The following TSPOAP1 variants were observed in gnomAD, a reference collection of about 807,000 sequenced individuals.
TSPOAP1 encodes TSPO associated protein 1.
Under a neutral mutation model 197.0 loss-of-function variants are expected in TSPOAP1, and 87 were observed. The observed-to-expected ratio is 0.44, with a 90% CI of 0.37 to 0.53. TSPOAP1 has a LOEUF of 0.53. TSPOAP1 is among the 20% of genes least tolerant of loss of function. The probability of loss-of-function intolerance (pLI) is 0.00; values close to 1 mark genes in which losing one functional copy is unlikely to be tolerated. For synonymous variants in TSPOAP1, 913 were observed against 998.9 expected (o/e 0.91, Z 1.62); for missense variants, 2,174 against 2,411.3 (o/e 0.90, Z 2.06).
intron 4 of TSPOAP1, 102 bp downstream of exon 4, chr17:58,325,432 C>T (rs1292379096): frequency 6.8e-7 from 1 of 1,468,216 alleles, no homozygotes; most frequent in African/African-American, 1.4e-5. Context: ...CCTCCACCCT[C>T]CCTTTCATTT....
Position 58,304,217 on chromosome 17 carries a change from G to A in TSPOAP1, c.*32+121C>T, listed in dbSNP as rs929874492. On this transcript the variant is annotated intron_variant, in intron 31 of 31. Coordinates refer to ENST00000343736, the MANE Select transcript of TSPOAP1 (RefSeq NM_004758.4). The surrounding 1 kb of genome is among the most constrained non-coding windows in gnomAD (Gnocchi z 4.2). Reference sequence around the variant, plus strand: ...TCTGGCTCATGGCAAGCTCTCCTTCGCCATTCCCTGGACTACAGTGGGAAA... The same window carrying A: ...TCTGGCTCATGGCAAGCTCTCCTTCACCATTCCCTGGACTACAGTGGGAAA... 1.4e-5 allele frequency: 11 copies of A among 794,218 alleles called. No individual in the cohort carries two copies. Among genetic ancestry groups the A allele is most frequent in the African/African-American group, 1.4e-4 (8 of 58,260 alleles). 49.2% of individuals were successfully genotyped at this position (794,218 alleles called of 1,614,324 possible).
chr17:58,302,960 G>C (rs1194686581), intron 31 of TSPOAP1: 1 of 152,446 alleles, frequency 6.6e-6, no homozygotes, highest in Non-Finnish European at 1.5e-5. Flanking sequence ...TCAGGGTGTG[G>C]AGCCAGTACC....
chr17:58,311,736 G>T lies in TSPOAP1; in HGVS notation c.2930-14C>A. ...CATCAGGTGGGCCTGGGGGCAGGGG[G>T]GCACAAGACCCAGTGATGCAGGACG... On this transcript the variant is annotated splice_polypyrimidine_tract_variant and intron_variant, in intron 17 of 31. Transcript: ENST00000343736. 6.5e-7 allele frequency: 1 copy of T among 1,548,680 alleles called. No individual in the cohort carries two copies. Among genetic ancestry groups the T allele is most frequent in the Non-Finnish European group, 8.7e-7 (1 of 1,145,200 alleles).
At position 58,322,812 on chromosome 17, in the gene TSPOAP1, G is replaced by A. The variant is rs201796644; in HGVS notation, c.1195-36C>T. 1.1e-5 allele frequency: 18 copies of A among 1,611,034 alleles called. No individual in the cohort carries two copies. The Middle Eastern group carries it at 5.0e-4, about 45-fold the overall frequency. Reference sequence around the variant, plus strand: ...GGCAGTGACAGGGAGTTGGGTGGGTGAGCCTTGACCCACCAGCACCCTCAC... The same window carrying A: ...GGCAGTGACAGGGAGTTGGGTGGGTAAGCCTTGACCCACCAGCACCCTCAC... On this transcript the variant is annotated intron_variant, in intron 8 of 31. Transcript: ENST00000343736. This position sits in a 1 kb window ranked among gnomAD's most constrained non-coding sequence, Gnocchi z 5.0.
At position 58,302,084 on chromosome 17, in the gene TSPOAP1, A is replaced by G; in HGVS notation, c.*396T>C. 1 of 425,838 alleles carries G rather than the reference A, an allele frequency of 2.3e-6. No individual in the cohort carries two copies. The highest frequency in any genetic ancestry group is 2.1e-5 in the South Asian group (1 of 47,758). The allele number at this position is 425,838 out of a possible 1,614,324, so 26.4% of individuals were successfully genotyped here. The stretch of plus-strand genomic sequence containing the variant: ...GTAGGAGGAAGGTGCTTCTCTAGAG[A>G]GTTCATCCTTAAGGAGCCATTTAGC... On this transcript the variant is annotated 3_prime_UTR_variant, in exon 32 of 32. Coordinates refer to ENST00000343736, the MANE Select transcript of TSPOAP1 (RefSeq NM_004758.4).
chr17:58,306,225 G>A (rs1289634235), intron 26 of TSPOAP1, 117 bp downstream of exon 26: 10 of 1,107,906 alleles, frequency 9.0e-6, no homozygotes, highest in Admixed American at 4.0e-5. Flanking sequence ...GCCAAGCAGC[G>A]CCACCCACCA....
At position 58,310,342 on chromosome 17, in the gene TSPOAP1, A is replaced by G. The variant is rs576570476; in HGVS notation, c.3699+170T>C. Among the ~76,000 whole-genome samples, 4 of 152,356 alleles carry G rather than the reference A, an allele frequency of 2.6e-5. 1 individual carries two copies. Among genetic ancestry groups the G allele is most frequent in the African/African-American group, 9.6e-5 (4 of 41,588 alleles). The stretch of plus-strand genomic sequence containing the variant: ...GTGGGAGAAGGGAGATGGGAGCCAC[A>G]TGGGACAGAGAAATCCTAGAAGAAA... On this transcript the variant is annotated intron_variant, in intron 20 of 31. Transcript: ENST00000343736.
At chr17:58,319,947 C>T (rs548384103) in intron 12 of TSPOAP1, among the ~76,000 whole-genome samples, 162 bp downstream of exon 12, 3 of 152,320 alleles carry the variant, frequency 2.0e-5, no homozygotes, top group African/African-American at 4.8e-5. Flanking sequence ...AGGGGACAGC[C>T]GCACGTGTCC....
At position 58,322,918 on chromosome 17, in the gene TSPOAP1, A is replaced by G. The variant is rs1188366300; in HGVS notation, c.1194+32T>C. On this transcript the variant is annotated intron_variant, in intron 8 of 31. Transcript: ENST00000343736. This position sits in a 1 kb window ranked among gnomAD's most constrained non-coding sequence, Gnocchi z 5.0. ...GGGACCGGGGCAGTGGTGGGAGCACAGGTCTCCACAGCACCTGGGCGGAAG... is the reference window on the plus strand; with the variant it reads ...GGGACCGGGGCAGTGGTGGGAGCACGGGTCTCCACAGCACCTGGGCGGAAG... 1.2e-6 allele frequency: 2 copies of G among 1,604,430 alleles called. No homozygotes were observed. Among genetic ancestry groups the G allele is most frequent in the African/African-American group, 1.3e-5 (1 of 74,706 alleles).
intron 4 of TSPOAP1, 73 bp downstream of exon 4, chr17:58,325,461 G>T: frequency 1.3e-6 from 2 of 1,575,862 alleles, no homozygotes; most frequent in Non-Finnish European, 1.7e-6. Flanking sequence ...TTAACATCTT[G>T]TCTGCATCCC....
intron 5 of TSPOAP1, 76 bp from the exon 6 acceptor site, chr17:58,323,621 CA>C: frequency 6.7e-7 from 1 of 1,494,576 alleles, no homozygotes; most frequent in Non-Finnish European, 9.1e-7. Context: ...CCAGCCTGCC[CA>C]GAGCAGGTTC....
Position 58,322,875 on chromosome 17 carries a change from G to A in TSPOAP1, c.1194+75C>T. ...ACCCTACCCCTGCTCAGGGGTGGAG[G>A]AGAAAGCCCCTTGGCTGGGGACCGG... On this transcript the variant is annotated intron_variant, in intron 8 of 31. Transcript: ENST00000343736. This position sits in a 1 kb window ranked among gnomAD's most constrained non-coding sequence, Gnocchi z 5.0. 6.2e-7 allele frequency: 1 copy of A among 1,602,928 alleles called. No homozygotes were observed. The highest frequency in any genetic ancestry group is 8.5e-7 in the Non-Finnish European group (1 of 1,173,196).
At chr17:58,311,464 A>C in intron 18 of TSPOAP1, 107 bp downstream of exon 18, 1 of 1,465,144 alleles carries the variant, frequency 6.8e-7, no homozygotes, top group Non-Finnish European at 9.1e-7. Flanking sequence ...ATGGTACCCA[A>C]ATGCCAGGGG....
intron 12 of TSPOAP1, among the ~76,000 whole-genome samples, chr17:58,319,818 C>T (rs114612897): frequency 0.012 from 1,817 of 152,360 alleles, 33 homozygotes; most frequent in African/African-American, 0.041. Flanking sequence ...ATAGCAGGGG[C>T]TCTCTCCGGC....
At chr17:58,303,355 A>G (rs1970775796) in intron 31 of TSPOAP1, 1 of 152,192 alleles carries the variant, frequency 6.6e-6, no homozygotes, top group Admixed American at 6.5e-5. Context: ...GCCAGAACCA[A>G]CTATAGAGCC....
At chr17:58,303,734 A>C (rs1970786599) in intron 31 of TSPOAP1, 1 of 152,178 alleles carries the variant, frequency 6.6e-6, no homozygotes, top group Non-Finnish European at 1.5e-5. Flanking sequence ...TGCAGCCTCG[A>C]CCTCCTGGGC....
Position 58,327,580 on chromosome 17 carries a change from T to TC in TSPOAP1, c.333+7dup, listed in dbSNP as rs779059184. ...CTTGCAGACCCCAGCCCTCCACAGA[T>TC]CCCTTACCTTCAGGAAAGCCTCCAC... On this transcript the variant is annotated splice_region_variant and intron_variant, in intron 1 of 31. Transcript: ENST00000343736. 1 of 1,609,696 alleles carries TC rather than the reference T, an allele frequency of 6.2e-7. No individual in the cohort carries two copies. Among genetic ancestry groups the TC allele is most frequent in the East Asian group, 2.2e-5 (1 of 44,784 alleles).
chr17:58,323,139 C>G (rs1971452886), intron 7 of TSPOAP1, 100 bp from the exon 8 acceptor site: 2 of 1,484,716 alleles, frequency 1.3e-6, no homozygotes, highest in East Asian at 2.3e-5. Context: ...GGCCTTCCTC[C>G]CCTGCTGGAA....
chr17:58,315,973 G>T (rs370674954), intron 16 of TSPOAP1, 50 bp downstream of exon 16: 1 of 1,382,586 alleles, frequency 7.2e-7, no homozygotes, highest in Admixed American at 1.7e-5. Flanking sequence ...TTGGGAACAT[G>T]GGCTCAAAGG....
Sources: gnomAD v4.1 joint callset for allele counts (sites outside exome capture counted in the v4.1 genomes callset) on GRCh38, gnomAD v4.1.1 for gene constraint, Gnocchi (gnomAD v3.1) non-coding constraint, MANE v1.5 for transcripts, NCBI Gene and HGNC (gene_info 2026-07-23, HGNC 2026-07-21) for gene names.